The following SARNP variants were observed in gnomAD, a reference collection of about 807,000 sequenced individuals.
SARNP encodes SAP domain containing ribonucleoprotein.
In SARNP, 5 loss-of-function variants were observed where a neutral mutation model predicts 38.1. The observed-to-expected ratio is 0.13, with a 90% CI of 0.07 to 0.28. The LOEUF is 0.28. Ranked by LOEUF, SARNP falls within the 10% of genes least tolerant of loss-of-function variation. SARNP has a pLI of 1.00. For missense variants in SARNP, 180 were observed against 243.9 expected (o/e 0.74, Z 1.75); for synonymous variants, 84 against 80.6 (o/e 1.04, Z -0.23).
intron 1 of SARNP, among the ~76,000 whole-genome samples, chr12:55,806,334 G>T (rs901875830): frequency 1.3e-5 from 2 of 151,472 alleles, no homozygotes; most frequent in Admixed American, 6.6e-5. Flanking sequence ...GAGTACAGTG[G>T]CATGATCTCG....
chr12:55,767,259 T>C (rs1878864991), intron 9 of SARNP, among the ~76,000 whole-genome samples: 1 of 152,084 alleles, frequency 6.6e-6, no homozygotes, highest in Admixed American at 6.6e-5. Context: ...AGTGAAATCA[T>C]GGTGGCCTAG....
Position 55,804,857 on chromosome 12 carries a change from T to C in SARNP, c.37-1129A>G, listed in dbSNP as rs185394450. ...AGATCTATGACCAATCAGTAGAAGC[T>C]AGAAGGCAGACTCCTATAGACAAAA... is the stretch of plus-strand genomic sequence containing the variant. On this transcript the variant is annotated intron_variant, in intron 1 of 10. Coordinates refer to ENST00000336133, the MANE Select transcript of SARNP (RefSeq NM_033082.4). 4.7e-3 allele frequency among the ~76,000 whole-genome samples: 712 copies of C among 152,308 alleles called. 4 individuals carry two copies. The highest frequency in any genetic ancestry group is 0.017 in the African/African-American group (686 of 41,572).
At chr12:55,767,376 T>C (rs1173066939) in intron 9 of SARNP, among the ~76,000 whole-genome samples, 1 of 149,266 alleles carries the variant, frequency 6.7e-6, no homozygotes, top group Non-Finnish European at 1.5e-5. Flanking sequence ...TGAGACCCCA[T>C]CTCTACCAAA....
At chr12:55,813,419 G>A (rs7971247) in intron 1 of SARNP, among the ~76,000 whole-genome samples, 9,251 of 152,204 alleles carry the variant, frequency 0.061, 389 homozygotes, top group East Asian at 0.11. Context: ...AAGGGCAGCC[G>A]GAGTACTACA....
chr12:55,794,656 G>A (rs1381147980), intron 6 of SARNP, 151 bp downstream of exon 6: 3 of 648,340 alleles, frequency 4.6e-6, no homozygotes, highest in South Asian at 3.8e-5. Context: ...CAAATCAGTA[G>A]ACATGTTCTG....
chr12:55,757,681 G>A lies in SARNP; in HGVS notation c.592-128C>T, dbSNP rs1407296075. Reference sequence around the variant, plus strand: ...AGAAGGAAGGATGGCCCAGACTTGAGCTTGGTAGCTAGAGATTTCATTCCT... The same window carrying A: ...AGAAGGAAGGATGGCCCAGACTTGAACTTGGTAGCTAGAGATTTCATTCCT... On this transcript the variant is annotated intron_variant, in intron 10 of 10. Coordinates refer to ENST00000336133, the MANE Select transcript of SARNP (RefSeq NM_033082.4). 9 of 616,914 alleles carry A rather than the reference G, an allele frequency of 1.5e-5. No homozygotes were observed. The East Asian group carries it at 2.7e-4, about 18-fold the overall frequency. The allele number at this position is 616,914 out of a possible 1,614,324, so 38.2% of individuals were successfully genotyped here.
At chr12:55,764,211 T>C (rs949205290) in intron 9 of SARNP, among the ~76,000 whole-genome samples, 9 of 152,154 alleles carry the variant, frequency 5.9e-5, no homozygotes, top group African/African-American at 1.9e-4. Context: ...AATTGGCTAT[T>C]CCATTTGTTG....
Position 55,760,649 on chromosome 12 carries a change from G to C in SARNP, c.502-9C>G. ...TTCTCATCATCTTCAGACTGTTCAA[G>C]GACAAAGGAAAGAGTTGAAACAAAC... On this transcript the variant is annotated splice_polypyrimidine_tract_variant and intron_variant, in intron 9 of 10. Transcript: ENST00000336133. 2 of 1,590,700 alleles carry C rather than the reference G, an allele frequency of 1.3e-6. No individual in the cohort carries two copies. The highest frequency in any genetic ancestry group is 8.6e-7 in the Non-Finnish European group (1 of 1,160,540).
At chr12:55,786,607 G>A (rs944847804) in intron 9 of SARNP, among the ~76,000 whole-genome samples, 48 of 152,190 alleles carry the variant, frequency 3.2e-4, no homozygotes, top group South Asian at 4.2e-4. Flanking sequence ...CTGCCACCGC[G>A]CCTGGCTAAT....
rs75219083 is a variant in SARNP, at chr12:55,807,262, C to T, written c.37-3534G>A. Among the ~76,000 whole-genome samples the T allele has an allele frequency of 2.2e-3, 341 of 152,256 alleles. 1 individual carries two copies. Among genetic ancestry groups the T allele is most frequent in the African/African-American group, 7.8e-3 (325 of 41,542 alleles). ...ATAAAACTTTCTAAAAGCTTACACT[C>T]GGTTTTTGTATTTATCTCACTACTA... On this transcript the variant is annotated intron_variant, in intron 1 of 10. Coordinates refer to ENST00000336133, the MANE Select transcript of SARNP (RefSeq NM_033082.4).
chr12:55,785,187 T>A (rs1406695279), intron 9 of SARNP, among the ~76,000 whole-genome samples: 4 of 152,192 alleles, frequency 2.6e-5, no homozygotes, highest in Admixed American at 1.3e-4. Context: ...CTAGCACATA[T>A]GCAAATAAAA....
intron 1 of SARNP, among the ~76,000 whole-genome samples, chr12:55,815,294 C>T (rs1011872757): frequency 9.9e-5 from 15 of 152,000 alleles, no homozygotes; most frequent in African/African-American, 2.7e-4. Flanking sequence ...TCCTGGCCTC[C>T]GCCTCCCAAA....
intron 9 of SARNP, among the ~76,000 whole-genome samples, chr12:55,763,261 C>G (rs1333370547): frequency 6.6e-6 from 1 of 151,732 alleles, no homozygotes; most frequent in African/African-American, 2.4e-5. Context: ...TTAGTATATG[C>G]CAGGTACTGT....
At chr12:55,760,677 G>A in intron 9 of SARNP, 37 bp from the exon 10 acceptor site, 2 of 1,384,062 alleles carry the variant, frequency 1.4e-6, no homozygotes, top group Non-Finnish European at 2.1e-6. Context: ...AAACAAACTA[G>A]CCTCCATTCA....
At chr12:55,808,096 C>T (rs923553515) in intron 1 of SARNP, among the ~76,000 whole-genome samples, 11 of 152,162 alleles carry the variant, frequency 7.2e-5, no homozygotes, top group African/African-American at 2.7e-4. Flanking sequence ...CTACACACAG[C>T]TTTTACATAG....
At chr12:55,797,192 C>T (rs1265772139) in intron 4 of SARNP, among the ~76,000 whole-genome samples, 1 of 152,192 alleles carries the variant, frequency 6.6e-6, no homozygotes, top group Non-Finnish European at 1.5e-5. Context: ...ATGACATTTT[C>T]AGAGGAAGCA....
intron 1 of SARNP, among the ~76,000 whole-genome samples, chr12:55,809,871 T>G (rs1485576951): frequency 6.6e-6 from 1 of 152,130 alleles, no homozygotes; most frequent in African/African-American, 2.4e-5. Context: ...AAGAAACAGG[T>G]AAGTTAACAC....
chr12:55,769,519 T>C (rs1453826982), intron 9 of SARNP, among the ~76,000 whole-genome samples: 1 of 152,228 alleles, frequency 6.6e-6, no homozygotes, highest in African/African-American at 2.4e-5. Context: ...TGCTAGCTTT[T>C]TACCTTCTGA....
chr12:55,770,461 G>A (rs1429283056), intron 9 of SARNP, among the ~76,000 whole-genome samples: 1 of 149,220 alleles, frequency 6.7e-6, no homozygotes, highest in Non-Finnish European at 1.5e-5. Flanking sequence ...GGATGGTCTC[G>A]ATCTCCTGAC....
Sources: gnomAD v4.1 joint callset for allele counts (sites outside exome capture counted in the v4.1 genomes callset) on GRCh38, gnomAD v4.1.1 for gene constraint, MANE v1.5 for transcripts, NCBI Gene and HGNC (gene_info 2026-07-23, HGNC 2026-07-21) for gene names.